Variants in ATP8A2 observed in about 807,000 individuals in gnomAD.
The protein encoded by ATP8A2 is phospholipid-transporting ATPase IB.
ATP8A2 carries 100 observed loss-of-function variants against 165.6 expected under a neutral mutation model. The observed-to-expected ratio is 0.60, with a 90% CI of 0.51 to 0.71. The LOEUF is 0.71. Among genes scored for constraint, ATP8A2 ranks in the 30% least tolerant of loss-of-function variants. ATP8A2 has a pLI of 0.00. For missense variants in ATP8A2, 1,227 were observed against 1,479.5 expected (o/e 0.83, Z 2.80); for synonymous variants, 543 against 548.8 (o/e 0.99, Z 0.15).
At chr13:25,468,670 C>G (rs910801584) in intron 1 of ATP8A2, 1 of 289,850 alleles carries the variant, frequency 3.5e-6, no homozygotes, top group Non-Finnish European at 5.2e-6. Flanking sequence ...GCGTCCAGCC[C>G]GGCCCGGTCC....
intron 35 of ATP8A2, among the ~76,000 whole-genome samples, chr13:25,987,455 T>TCA: frequency 6.6e-6 from 1 of 152,236 alleles, no homozygotes; most frequent in East Asian, 1.9e-4. Flanking sequence ...ATGGCAAGGT[T>TCA]CTTGACCTGT....
At chr13:25,511,108 A>G (rs183081862) in intron 2 of ATP8A2, among the ~76,000 whole-genome samples, 38 of 152,114 alleles carry the variant, frequency 2.5e-4, no homozygotes, top group Non-Finnish European at 3.7e-4. Flanking sequence ...ATCTCTCTGA[A>G]CTCTCTTATA....
chr13:25,919,008 G>A (rs1421893610), intron 33 of ATP8A2, among the ~76,000 whole-genome samples: 2 of 152,210 alleles, frequency 1.3e-5, no homozygotes, highest in African/African-American at 2.4e-5. Context: ...CCCAAAAGTA[G>A]ATATGAGCAA....
chr13:25,615,935 G>A (rs570272817), intron 24 of ATP8A2, among the ~76,000 whole-genome samples: 1 of 152,212 alleles, frequency 6.6e-6, no homozygotes, highest in African/African-American at 2.4e-5. Flanking sequence ...TCTTCCAAGG[G>A]TCTGTGGATT....
At chr13:25,596,787 G>A (rs2040246857) in intron 24 of ATP8A2, among the ~76,000 whole-genome samples, 1 of 152,082 alleles carries the variant, frequency 6.6e-6, no homozygotes, top group South Asian at 2.1e-4. Context: ...AAATAGCTAG[G>A]AGTAAAATTC....
intron 8 of ATP8A2, among the ~76,000 whole-genome samples, chr13:25,541,131 C>T (rs538365978): frequency 4.5e-4 from 69 of 152,114 alleles, no homozygotes; most frequent in South Asian, 1.2e-3. Context: ...TCCCAAAGTG[C>T]TGGGATTACA....
chr13:25,522,852 GGT>G (rs966795514), intron 2 of ATP8A2, among the ~76,000 whole-genome samples: 2 of 152,122 alleles, frequency 1.3e-5, no homozygotes, highest in African/African-American at 4.8e-5. Context: ...GGACGGGCAT[GGT>G]GGCTCATGCC....
chr13:25,451,667 G>T lies in ATP8A2; in HGVS notation c.77-17310G>T, dbSNP rs371650917. On this transcript the variant is annotated intron_variant, in intron 1 of 36. Coordinates refer to ENST00000381655, the MANE Select transcript of ATP8A2 (RefSeq NM_016529.6). The stretch of plus-strand genomic sequence containing the variant: ...GCTTAGACTTCGTAGGTTCACTACA[G>T]TACAGGTTGAGGGAGTCAGTTGCTT... 2.6e-5 allele frequency among the ~76,000 whole-genome samples: 4 copies of T among 152,056 alleles called. No individual in the cohort carries two copies. The East Asian group carries it at 7.7e-4, about 29-fold the overall frequency.
chr13:25,454,993 G>C (rs2035327551), intron 1 of ATP8A2, among the ~76,000 whole-genome samples: 1 of 152,244 alleles, frequency 6.6e-6, no homozygotes, highest in Non-Finnish European at 1.5e-5. Context: ...GGTCTTAGAA[G>C]CATCACATTT....
At chr13:25,698,486 G>A (rs868781436) in intron 24 of ATP8A2, among the ~76,000 whole-genome samples, 3 of 152,062 alleles carry the variant, frequency 2.0e-5, no homozygotes, top group South Asian at 4.2e-4. Context: ...CTCCTGTCTC[G>A]GCCTCCTAAA....
At chr13:25,857,570 CTTT>C (rs71080207) in intron 30 of ATP8A2, among the ~76,000 whole-genome samples, 12 of 91,558 alleles carry the variant, frequency 1.3e-4, no homozygotes, top group Admixed American at 2.9e-4. Context: ...CTTTTTTTTC[CTTT>C]TTTTTTTTTT....
At chr13:25,762,541 G>T (rs2044404127) in intron 25 of ATP8A2, among the ~76,000 whole-genome samples, 1 of 152,076 alleles carries the variant, frequency 6.6e-6, no homozygotes, top group Non-Finnish European at 1.5e-5. Context: ...CTAATAGCCT[G>T]CTCCTAGGTC....
chr13:25,637,959 T>C (rs552118335), intron 24 of ATP8A2, among the ~76,000 whole-genome samples: 2 of 152,310 alleles, frequency 1.3e-5, no homozygotes, highest in South Asian at 4.1e-4. Context: ...CAATATTCAC[T>C]GTTCTACAGC....
intron 33 of ATP8A2, among the ~76,000 whole-genome samples, chr13:25,946,238 C>T (rs1194736572): frequency 2.0e-5 from 3 of 152,184 alleles, no homozygotes; most frequent in Non-Finnish European, 4.4e-5. Flanking sequence ...TCCGGCCACT[C>T]AGTGAGTTAA....
chr13:25,795,588 G>A (rs1950484090), intron 27 of ATP8A2, among the ~76,000 whole-genome samples: 1 of 152,156 alleles, frequency 6.6e-6, no homozygotes, highest in South Asian at 2.1e-4. Context: ...CATGTGTCAA[G>A]CTTACAGGAC....
chr13:25,445,381 G>A (rs967183092), intron 1 of ATP8A2, among the ~76,000 whole-genome samples: 8 of 152,154 alleles, frequency 5.3e-5, no homozygotes, highest in Non-Finnish European at 8.8e-5. Context: ...AGCACCTGGC[G>A]TTCTCTTCGG....
chr13:25,513,812 T>G (rs939515947), intron 2 of ATP8A2, among the ~76,000 whole-genome samples: 11 of 152,032 alleles, frequency 7.2e-5, no homozygotes, highest in African/African-American at 2.7e-4. Context: ...CAAAAACCAG[T>G]CAGGCGTGGC....
chr13:25,851,360 T>C (rs1593448109), intron 30 of ATP8A2, among the ~76,000 whole-genome samples: 2 of 152,164 alleles, frequency 1.3e-5, no homozygotes, highest in East Asian at 3.9e-4. Context: ...GGCGGGCAGA[T>C]CACCTGAGGT....
At chr13:25,596,710 T>G (rs1165791126) in intron 24 of ATP8A2, among the ~76,000 whole-genome samples, 1 of 152,238 alleles carries the variant, frequency 6.6e-6, no homozygotes, top group Non-Finnish European at 1.5e-5. Flanking sequence ...TTATTATGAA[T>G]AAAGCTGCTG....
Sources: gnomAD v4.1 joint callset for allele counts (sites outside exome capture counted in the v4.1 genomes callset) on GRCh38, gnomAD v4.1.1 for gene constraint, MANE v1.5 for transcripts, NCBI Gene and HGNC (gene_info 2026-07-23, HGNC 2026-07-21) for gene names.